Variants in PRKAR1B observed in about 807,000 individuals in gnomAD.
PRKAR1B encodes the protein protein kinase cAMP-dependent type I regulatory subunit beta, also known as cAMP-dependent protein kinase type I-beta regulatory subunit.
Under a neutral mutation model 46.5 loss-of-function variants are expected in PRKAR1B, and 22 were observed. The ratio of observed to expected loss-of-function variants is 0.47; its 90% CI spans 0.34 to 0.68. The LOEUF is 0.68. Ranked by LOEUF, PRKAR1B falls within the 30% of genes least tolerant of loss-of-function variation. The probability of loss-of-function intolerance (pLI) is 0.01; values close to 1 mark genes in which losing one functional copy is unlikely to be tolerated. For missense variants in PRKAR1B, 445 were observed against 535.6 expected (o/e 0.83, Z 1.67); for synonymous variants, 259 against 217.7 (o/e 1.19, Z -1.67).
intron 1 of PRKAR1B, among the ~76,000 whole-genome samples, chr7:711,833 G>A (rs1780649454): frequency 6.6e-6 from 1 of 152,002 alleles, no homozygotes; most frequent in African/African-American, 2.4e-5. Flanking sequence ...GATTCCGGGT[G>A]GGAAGAGTGG....
intron 9 of PRKAR1B, among the ~76,000 whole-genome samples, chr7:572,373 G>A (rs1485141619): frequency 4.6e-5 from 7 of 152,180 alleles, no homozygotes. Context: ...CCGTGGGGTT[G>A]GGGACAAGGA....
chr7:698,876 A>G (rs948511858), intron 2 of PRKAR1B, among the ~76,000 whole-genome samples: 1 of 152,038 alleles, frequency 6.6e-6, no homozygotes, highest in African/African-American at 2.4e-5. Context: ...CTCACCCACC[A>G]TGGCGGCTGT....
intron 2 of PRKAR1B, among the ~76,000 whole-genome samples, chr7:686,410 T>A (rs1779101980): frequency 6.6e-6 from 1 of 152,158 alleles, no homozygotes. Context: ...TAAAAGATTT[T>A]AAAATGGTGA....
intron 4 of PRKAR1B, among the ~76,000 whole-genome samples, chr7:647,819 AAAAAAAAAAAAAC>A (rs1562587564): frequency 6.6e-6 from 1 of 150,744 alleles, no homozygotes; most frequent in East Asian, 1.9e-4. Flanking sequence ...AAAAAAAAAA[AAAAAAAAAAAAAC>A]CTCCTCGCAT....
Position 575,877 on chromosome 7 carries a change from G to A in PRKAR1B, c.891+3379C>T, listed in dbSNP as rs544863401. ...ACAGCATGAGCCACCGTGCCCAACA[G>A]CCGCCTTTAATACACCAGATTTCAG... On this transcript the variant is annotated intron_variant, in intron 9 of 10. Transcript: ENST00000537384. 9.5e-4 allele frequency among the ~76,000 whole-genome samples: 144 copies of A among 152,306 alleles called. 1 individual carries two copies. Among genetic ancestry groups the A allele is most frequent in the African/African-American group, 3.4e-3 (141 of 41,564 alleles).
At chr7:710,899 C>T (rs958644086) in intron 2 of PRKAR1B, among the ~76,000 whole-genome samples, 2 of 152,162 alleles carry the variant, frequency 1.3e-5, no homozygotes, top group African/African-American at 4.8e-5. Flanking sequence ...CCGCCTCGGC[C>T]TCCCAAAGTG....
intron 2 of PRKAR1B, among the ~76,000 whole-genome samples, chr7:708,718 T>G (rs1350346826): frequency 6.6e-6 from 1 of 151,902 alleles, no homozygotes; most frequent in Non-Finnish European, 1.5e-5. Context: ...AACTCCTGTG[T>G]GCAAGCGATC....
intron 3 of PRKAR1B, 28 bp downstream of exon 3, chr7:680,528 C>A (rs1172342650): frequency 1.3e-6 from 2 of 1,587,384 alleles, no homozygotes; most frequent in African/African-American, 1.4e-5. Context: ...GGCCTGGGGA[C>A]AGGAACCCCG....
chr7:571,384 G>C (rs538874299), intron 9 of PRKAR1B, among the ~76,000 whole-genome samples: 1 of 152,200 alleles, frequency 6.6e-6, no homozygotes, highest in African/African-American at 2.4e-5. Flanking sequence ...GCAGCGACCC[G>C]TGGATTTTGA....
At chr7:687,416 TA>T (rs1779151649) in intron 2 of PRKAR1B, among the ~76,000 whole-genome samples, 1 of 151,858 alleles carries the variant, frequency 6.6e-6, no homozygotes, top group South Asian at 2.1e-4. Flanking sequence ...CAAAAAAACA[TA>T]AAAATTGGAA....
At chr7:619,007 C>T (rs1782976889) in intron 4 of PRKAR1B, among the ~76,000 whole-genome samples, 1 of 152,170 alleles carries the variant, frequency 6.6e-6, no homozygotes, top group Non-Finnish European at 1.5e-5. Context: ...ACATGTCTGC[C>T]TGGGCTGCCA....
chr7:658,192 G>C (rs556636233), intron 4 of PRKAR1B, among the ~76,000 whole-genome samples: 5 of 152,126 alleles, frequency 3.3e-5, no homozygotes, highest in Non-Finnish European at 7.3e-5. Flanking sequence ...CCAGCACTTT[G>C]AGATGCCAAG....
chr7:607,331 T>A, intron 5 of PRKAR1B, 60 bp downstream of exon 5: 4 of 1,489,774 alleles, frequency 2.7e-6, no homozygotes, highest in Admixed American at 1.8e-5. Flanking sequence ...ATTTTTTTTT[T>A]AAGTGCATAG....
At chr7:660,339 C>T (rs1313960778) in intron 4 of PRKAR1B, among the ~76,000 whole-genome samples, 1 of 151,986 alleles carries the variant, frequency 6.6e-6, no homozygotes, top group East Asian at 1.9e-4. Flanking sequence ...GTGCCACAGG[C>T]CCCGCTCCAA....
intron 4 of PRKAR1B, among the ~76,000 whole-genome samples, chr7:660,933 C>G (rs1361453231): frequency 1.5e-5 from 2 of 130,000 alleles, no homozygotes; most frequent in Admixed American, 7.5e-5. Flanking sequence ...AGGTCCCCAA[C>G]CCAACGGGTC....
intron 9 of PRKAR1B, among the ~76,000 whole-genome samples, chr7:573,707 G>A (rs562474822): frequency 4.6e-4 from 70 of 152,334 alleles, no homozygotes; most frequent in Middle Eastern, 6.8e-3. Context: ...AATCCGAGTC[G>A]TCAACCAGGG....
chr7:724,414 G>C (rs569927919), intron 1 of PRKAR1B, among the ~76,000 whole-genome samples: 1 of 152,282 alleles, frequency 6.6e-6, no homozygotes, highest in African/African-American at 2.4e-5. Flanking sequence ...ATAAGGGGGA[G>C]TTTCCCTGCA....
intron 9 of PRKAR1B, among the ~76,000 whole-genome samples, chr7:556,445 T>C (rs1039926088): frequency 6.6e-6 from 1 of 152,088 alleles, no homozygotes; most frequent in Non-Finnish European, 1.5e-5. Context: ...GAAGGGCCTC[T>C]GGGGACGTCC....
intron 4 of PRKAR1B, among the ~76,000 whole-genome samples, chr7:627,023 C>T (rs777698292): frequency 1.2e-4 from 19 of 152,260 alleles, no homozygotes; most frequent in South Asian, 8.3e-4. Flanking sequence ...TACAGGCACC[C>T]GCCACCACGC....
Sources: allele counts gnomAD v4.1 joint callset (sites outside exome capture counted in the v4.1 genomes callset), GRCh38; gene constraint gnomAD v4.1.1; transcripts MANE v1.5; gene names NCBI Gene and HGNC (gene_info 2026-07-23, HGNC 2026-07-21).